The following JPH2 variants were observed in gnomAD, a reference collection of about 807,000 sequenced individuals.
The protein encoded by JPH2 is junctophilin 2.
Under a neutral mutation model 55.9 loss-of-function variants are expected in JPH2, and 38 were observed. That is an observed-to-expected ratio of 0.68 (90% confidence interval 0.52 to 0.89). JPH2 has a LOEUF of 0.89. JPH2 is among the 40% of genes least tolerant of loss of function. JPH2 has a pLI of 0.00. For missense variants in JPH2, 964 were observed against 1,037.6 expected (o/e 0.93, Z 0.97); for synonymous variants, 480 against 472.4 (o/e 1.02, Z -0.21).
At chr20:44,136,510 C>T (rs756944563) in intron 2 of JPH2, among the ~76,000 whole-genome samples, 4 of 152,088 alleles carry the variant, frequency 2.6e-5, no homozygotes, top group Non-Finnish European at 5.9e-5. Context: ...ACTAGATGCC[C>T]GGCACTTGCA....
Position 44,160,348 on chromosome 20 carries a change from C to T in JPH2, c.439G>A (p.Val147Met), listed in dbSNP as rs1012335909. Residue 147 changes from valine (V) to methionine (M), a missense_variant, in exon 2 of 6, where the codon GTG becomes ATG. By Grantham distance (21) the Val-to-Met change is conservative. Coordinates refer to ENST00000372980, the MANE Select transcript of JPH2 (RefSeq NM_020433.5). This position sits in a 1 kb window ranked among gnomAD's most constrained non-coding sequence, Gnocchi z 4.9. ...MRHGYGVRQS[V>M]PYGMAVVVRS... The stretch of plus-strand genomic sequence containing the variant: ...ACCACCACGGCCATCCCGTAGGGCA[C>T]GCTCTGGCGTACTCCGTAGCCATGG... 1.3e-6 allele frequency: 2 copies of T among 1,592,868 alleles called. No individual in the cohort carries two copies. The highest frequency in any genetic ancestry group is 1.3e-5 in the African/African-American group (1 of 74,636).
chr20:44,137,116 T>C (rs1463497911), intron 2 of JPH2, among the ~76,000 whole-genome samples: 6 of 152,206 alleles, frequency 3.9e-5, no homozygotes, highest in Admixed American at 3.9e-4. Context: ...AGGTACCCCA[T>C]GAATGTTAGC....
intron 2 of JPH2, among the ~76,000 whole-genome samples, chr20:44,143,283 C>T (rs1270327475): frequency 6.6e-6 from 1 of 152,120 alleles, no homozygotes; most frequent in Admixed American, 6.5e-5. Context: ...CTGAAAGCAA[C>T]ACCCCCGGTG....
chr20:44,106,792 G>T lies in JPH2; in HGVS notation c.*6726C>A, dbSNP rs928906671. On this transcript the variant is annotated 3_prime_UTR_variant, in exon 6 of 6. Coordinates refer to ENST00000372980, the MANE Select transcript of JPH2 (RefSeq NM_020433.5). ...CTACCACGAGAACGGCACGGGAAAG[G>T]CTTGCCCCCATGATTCAATTACCTC... 3.3e-5 allele frequency among the ~76,000 whole-genome samples: 5 copies of T among 152,014 alleles called. No individual in the cohort carries two copies. The highest frequency in any genetic ancestry group is 5.9e-5 in the Non-Finnish European group (4 of 68,004).
At chr20:44,173,945 C>T (rs910202930) in intron 1 of JPH2, among the ~76,000 whole-genome samples, 3 of 152,060 alleles carry the variant, frequency 2.0e-5, no homozygotes, top group East Asian at 1.9e-4. Flanking sequence ...ATTCATCAGA[C>T]GATGATAAGA....
rs1182842859 is a variant in JPH2 at position 44,108,228 on chromosome 20, A to G, written c.*5290T>C. 1.3e-5 allele frequency among the ~76,000 whole-genome samples: 2 copies of G among 152,298 alleles called. No homozygotes were observed. Among genetic ancestry groups the G allele is most frequent in the East Asian group, 3.9e-4 (2 of 5,182 alleles). On this transcript the variant is annotated 3_prime_UTR_variant, in exon 6 of 6. Transcript: ENST00000372980. ...GCTGGCAAGGTAACAGATACCGAGG[A>G]CACGGGTGTTTAGCATTTGGAACCC...
chr20:44,134,867 T>TATATATATTTATATATATATTA (rs1569195698), intron 2 of JPH2, among the ~76,000 whole-genome samples: 1 of 21,908 alleles, frequency 4.6e-5, no homozygotes, highest in Non-Finnish European at 7.5e-5. Context: ...TATATATAAA[T>TATATATATTTATATATATATTA]ATATATATTT....
chr20:44,129,426 G>A (rs1030515809), intron 2 of JPH2, among the ~76,000 whole-genome samples: 1 of 152,080 alleles, frequency 6.6e-6, no homozygotes, highest in Non-Finnish European at 1.5e-5. Context: ...GCAGTGGTGC[G>A]CATCTGTAAT....
At chr20:44,120,789 G>T (rs570106036) in intron 2 of JPH2, among the ~76,000 whole-genome samples, 4 of 152,172 alleles carry the variant, frequency 2.6e-5, no homozygotes, top group Non-Finnish European at 5.9e-5. Flanking sequence ...TAGAGTTTAC[G>T]AATTCGTGTT....
At chr20:44,131,501 C>T (rs1221371990) in intron 2 of JPH2, among the ~76,000 whole-genome samples, 5 of 152,068 alleles carry the variant, frequency 3.3e-5, no homozygotes, top group Admixed American at 1.3e-4. Context: ...ATTTGTTATG[C>T]GGTGATGGGT....
chr20:44,176,285 A>C (rs1427372920), intron 1 of JPH2, among the ~76,000 whole-genome samples: 2 of 151,308 alleles, frequency 1.3e-5, no homozygotes, highest in African/African-American at 4.9e-5. Context: ...AAGAGCTAAA[A>C]GAATCTCATC....
At chr20:44,172,481 T>TTTTTG (rs148159574) in intron 1 of JPH2, among the ~76,000 whole-genome samples, 10 of 152,008 alleles carry the variant, frequency 6.6e-5, no homozygotes, top group Non-Finnish European at 1.2e-4. Context: ...ATATAAATAT[T>TTTTTG]TTTTGTTTTG....
chr20:44,130,925 T>C (rs6093938), intron 2 of JPH2, among the ~76,000 whole-genome samples: 43,703 of 152,032 alleles, frequency 0.29, 6,447 homozygotes, highest in East Asian at 0.47. Flanking sequence ...TGGTGGTTAA[T>C]AGCATGGAAT....
At chr20:44,171,830 T>G (rs2145889430) in intron 1 of JPH2, among the ~76,000 whole-genome samples, 1 of 152,336 alleles carries the variant, frequency 6.6e-6, no homozygotes, top group Non-Finnish European at 1.5e-5. Context: ...ATGTATCACA[T>G]TTTGTATTTA....
chr20:44,111,160 T>G lies in JPH2; in HGVS notation c.*2358A>C, dbSNP rs535146111. ...CAGGCTCCCCCACTGATTGAGATATTCTGACTAAACAACTGGTATCTGAAT... is the reference window on the plus strand; with the variant it reads ...CAGGCTCCCCCACTGATTGAGATATGCTGACTAAACAACTGGTATCTGAAT... On this transcript the variant is annotated 3_prime_UTR_variant, in exon 6 of 6. Transcript: ENST00000372980. Among the ~76,000 whole-genome samples the G allele has an allele frequency of 6.6e-6, 1 of 152,310 alleles. No individual in the cohort carries two copies. Among genetic ancestry groups the G allele is most frequent in the East Asian group, 1.9e-4 (1 of 5,178 alleles).
At chr20:44,128,027 C>T (rs1348213181) in intron 2 of JPH2, among the ~76,000 whole-genome samples, 1 of 152,086 alleles carries the variant, frequency 6.6e-6, no homozygotes, top group African/African-American at 2.4e-5. Flanking sequence ...AGTCACTTAT[C>T]ATATATATGA....
chr20:44,159,229 T>C lies in JPH2; in HGVS notation c.1169+389A>G, dbSNP rs1432485485. 6.6e-6 allele frequency among the ~76,000 whole-genome samples: 1 copy of C among 151,684 alleles called. No individual in the cohort carries two copies. Among genetic ancestry groups the C allele is most frequent in the Non-Finnish European group, 1.5e-5 (1 of 67,870 alleles). On this transcript the variant is annotated intron_variant, in intron 2 of 5. Transcript: ENST00000372980. The surrounding 1 kb of genome is among the most constrained non-coding windows in gnomAD (Gnocchi z 5.7). ...TTAGAGAAGTTAGTCAATGAAGGAA[T>C]TGGGTGGATTTGGATGGATGTTTGG... is the stretch of plus-strand genomic sequence containing the variant.
chr20:44,114,129 G>C (rs1419215884), intron 5 of JPH2, among the ~76,000 whole-genome samples: 1 of 152,162 alleles, frequency 6.6e-6, no homozygotes, highest in African/African-American at 2.4e-5. Flanking sequence ...AGCAGTGAGG[G>C]CCACTCTCCT....
chr20:44,127,080 G>A (rs1168678899), intron 2 of JPH2, among the ~76,000 whole-genome samples: 1 of 152,220 alleles, frequency 6.6e-6, no homozygotes, highest in Non-Finnish European at 1.5e-5. Flanking sequence ...GCCAACATAT[G>A]GATGTGTCAT....
Sources: allele counts gnomAD v4.1 joint callset (sites outside exome capture counted in the v4.1 genomes callset), GRCh38; gene constraint gnomAD v4.1.1; non-coding constraint Gnocchi (gnomAD v3.1); transcripts MANE v1.5; gene names NCBI Gene and HGNC (gene_info 2026-07-23, HGNC 2026-07-21).